The following GPR37 variants were observed in gnomAD, a reference collection of about 807,000 sequenced individuals.
The protein encoded by GPR37 is G protein-coupled receptor 37, also known as prosaposin receptor GPR37.
GPR37 carries 20 observed loss-of-function variants against 43.6 expected under a neutral mutation model. That is an observed-to-expected ratio of 0.46 (90% CI 0.32 to 0.67). The LOEUF (loss-of-function observed/expected upper bound fraction) is 0.67, where lower values mean the gene tolerates loss of function less well. Among genes scored for constraint, GPR37 ranks in the 30% least tolerant of loss-of-function variants. The probability of loss-of-function intolerance (pLI) is 0.03; values close to 1 mark genes in which losing one functional copy is unlikely to be tolerated. For missense variants in GPR37, 724 were observed against 797.2 expected (o/e 0.91, Z 1.11); for synonymous variants, 315 against 322.6 (o/e 0.98, Z 0.25).
rs1793897051 is a variant in GPR37, at chr7:124,764,783, T to A, written c.194A>T (p.Asp65Val). Residue 65 changes from aspartate to valine, a missense_variant, in exon 1 of 2, where the codon GAC becomes GTC. Coordinates refer to ENST00000303921, the MANE Select transcript of GPR37 (RefSeq NM_005302.5). The surrounding 1 kb of genome is among the most constrained non-coding windows in gnomAD (Gnocchi z 5.4). The stretch of plus-strand genomic sequence containing the variant: ...CCTGGGTGCTCGGGCTCGCAGAACG[T>A]CTCTTGCAGAATTTCCCGGTCCCCA... ...DAWGPGNSAR[D>V]VLRARAPREE... 1.9e-6 allele frequency: 3 copies of A among 1,613,200 alleles called. No homozygotes were observed. Among genetic ancestry groups the A allele is most frequent in the Non-Finnish European group, 2.5e-6 (3 of 1,179,934 alleles).
At chr7:124,747,382 C>T (rs1478016450) in intron 1 of GPR37, 39 bp from the exon 2 acceptor site, 2 of 1,343,596 alleles carry the variant, frequency 1.5e-6, no homozygotes, top group Admixed American at 4.1e-5. Context: ...CCCGGTGTCC[C>T]CCGAAAGATC....
At chr7:124,753,974 A>G (rs771079564) in intron 1 of GPR37, among the ~76,000 whole-genome samples, 77 of 152,106 alleles carry the variant, frequency 5.1e-4, no homozygotes, top group Middle Eastern at 3.2e-3. Context: ...TTGGGGAAAG[A>G]TTCAGAGTGA....
chr7:124,752,005 G>C (rs1012247928), intron 1 of GPR37, among the ~76,000 whole-genome samples: 1 of 151,960 alleles, frequency 6.6e-6, no homozygotes, highest in Non-Finnish European at 1.5e-5. Flanking sequence ...ATTTTGAGAG[G>C]ATTGGCATTA....
rs1793890592 is a variant in GPR37, at chr7:124,764,457, G to A, written c.520C>T (p.Pro174Ser). 1.2e-6 allele frequency: 2 copies of A among 1,613,572 alleles called. No individual in the cohort carries two copies. Among genetic ancestry groups the A allele is most frequent in the East Asian group, 2.2e-5 (1 of 44,864 alleles). Reference sequence around the variant, plus strand: ...CAGTAAAAAAGATCGCTGGCTCCGGGGACTGTCTTCACACTCTGCTCCTGG... The same window carrying A: ...CAGTAAAAAAGATCGCTGGCTCCGGAGACTGTCTTCACACTCTGCTCCTGG... ...RSQEQSVKTV[P>S]GASDLFYWPR... is the part of the protein sequence containing the mutation. The change falls in exon 1 of 2, where the codon CCC becomes TCC. Residue 174 changes from proline to serine, a missense_variant. Physicochemically the swap from Pro to Ser is moderately conservative, Grantham distance 74. This residue lies in a region of GPR37 where 382 missense variants were observed against 355.4 expected (regional missense o/e 1.07). Coordinates refer to ENST00000303921, the MANE Select transcript of GPR37 (RefSeq NM_005302.5). The surrounding 1 kb of genome is among the most constrained non-coding windows in gnomAD (Gnocchi z 5.4).
chr7:124,764,914 C>A lies in GPR37; in HGVS notation c.63G>T (p.Lys21Asn). The change falls in exon 1 of 2, where the codon AAG becomes AAT. Residue 21 changes from lysine (K) to asparagine (N), a missense_variant. By Grantham distance (94) the Lys-to-Asn change is moderately conservative. Around this residue, in one of 2 missense-constraint regions of GPR37, gnomAD observed 382 missense variants for 355.4 expected, o/e 1.07. Coordinates refer to ENST00000303921, the MANE Select transcript of GPR37 (RefSeq NM_005302.5). This position sits in a 1 kb window ranked among gnomAD's most constrained non-coding sequence, Gnocchi z 5.4. ...CCCCGAGGGCAGAAGAGGCAGACAC[C>A]TTGAGCAGTAGCAGAAGCAGTAGCC... ...MSRLLLLLLLKVSASSALGVA... is the reference protein window; with the variant it reads ...MSRLLLLLLLNVSASSALGVA... The A allele has an allele frequency of 6.3e-7, 1 of 1,579,382 alleles. No homozygotes were observed. The highest frequency in any genetic ancestry group is 8.6e-7 in the Non-Finnish European group (1 of 1,164,950).
Position 124,764,703 on chromosome 7 carries a change from G to T in GPR37, c.274C>A (p.Pro92Thr). 6.3e-7 allele frequency: 1 copy of T among 1,598,492 alleles called. No homozygotes were observed. ...AGPSWDLPAA[P>T]GRDPAAGRGA... ...CTGCCTGCAGCCGGGTCACGGCCCG[G>T]GGCCGCCGGCAGGTCCCAGGAGGGT... is the stretch of plus-strand genomic sequence containing the variant. The change falls in exon 1 of 2, where the codon CCG becomes ACG. Residue 92 changes from proline to threonine, a missense_variant. By Grantham distance (38) the Pro-to-Thr change is conservative. Coordinates refer to ENST00000303921, the MANE Select transcript of GPR37 (RefSeq NM_005302.5). This position sits in a 1 kb window ranked among gnomAD's most constrained non-coding sequence, Gnocchi z 5.4.
chr7:124,749,405 G>A (rs1032086924), intron 1 of GPR37, among the ~76,000 whole-genome samples: 14 of 152,042 alleles, frequency 9.2e-5, no homozygotes, highest in Admixed American at 2.0e-4. Context: ...CTATTCCCTG[G>A]TAAAGGGGCA....
intron 1 of GPR37, 132 bp from the exon 2 acceptor site, chr7:124,747,475 G>T: frequency 3.2e-6 from 2 of 620,080 alleles, no homozygotes; most frequent in Non-Finnish European, 5.5e-6. Context: ...AGAGAGAACA[G>T]TTTTCCAGAA....
At chr7:124,753,728 C>A (rs2116316659) in intron 1 of GPR37, among the ~76,000 whole-genome samples, 1 of 152,208 alleles carries the variant, frequency 6.6e-6, no homozygotes, top group Admixed American at 6.5e-5. Flanking sequence ...TACGGGTCCT[C>A]ATCTAGTCCC....
At chr7:124,759,658 T>A (rs1036626123) in intron 1 of GPR37, among the ~76,000 whole-genome samples, 6 of 152,194 alleles carry the variant, frequency 3.9e-5, no homozygotes, top group African/African-American at 1.4e-4. Flanking sequence ...TTCGACTTTA[T>A]GAGATTTATT....
At chr7:124,757,906 G>A (rs890285098) in intron 1 of GPR37, among the ~76,000 whole-genome samples, 1 of 152,116 alleles carries the variant, frequency 6.6e-6, no homozygotes, top group African/African-American at 2.4e-5. Flanking sequence ...ACAAATGAAC[G>A]AATGATGACA....
In GPR37 at chr7:124,745,793, T is replaced by C. The variant is rs920029041; in HGVS notation, c.*732A>G. On this transcript the variant is annotated 3_prime_UTR_variant, in exon 2 of 2. Coordinates refer to ENST00000303921, the MANE Select transcript of GPR37 (RefSeq NM_005302.5). Reference sequence around the variant, plus strand: ...CCTACTCTGCTATTTATTCATATTTTATAAGTATTCAGAAGTAATTTGACA... The same window carrying C: ...CCTACTCTGCTATTTATTCATATTTCATAAGTATTCAGAAGTAATTTGACA... 2.0e-5 allele frequency among the ~76,000 whole-genome samples: 3 copies of C among 152,202 alleles called. No individual in the cohort carries two copies. Among genetic ancestry groups the C allele is most frequent in the Non-Finnish European group, 4.4e-5 (3 of 68,018 alleles).
In GPR37 at chr7:124,744,387, TTTTC is replaced by T. The variant is rs1188490037; in HGVS notation, c.*2134_*2137del. The T allele has an allele frequency of 2.0e-5, 3 of 152,148 alleles. No homozygotes were observed. The highest frequency in any genetic ancestry group is 4.8e-5 in the African/African-American group (2 of 41,448). The allele number at this position is 152,148 out of a possible 1,614,324, so 9.4% of individuals were successfully genotyped here. A position where few individuals can be genotyped will look rare whatever the true frequency, so the allele number is the denominator to read the frequency against. ...TATTATTAGATGGCCTTGGTGCATA[TTTTC>T]TTTAATATTTCCCACAAGGCTGCTA... On this transcript the variant is annotated 3_prime_UTR_variant, in exon 2 of 2. Transcript: ENST00000303921.
At chr7:124,751,638 TAAGATG>T (rs1485786280) in intron 1 of GPR37, among the ~76,000 whole-genome samples, 10 of 152,334 alleles carry the variant, frequency 6.6e-5, no homozygotes, top group African/African-American at 2.4e-4. Context: ...TTAAAAATTC[TAAGATG>T]AATAGTGCAA....
At chr7:124,763,388 C>T (rs1214798067) in intron 1 of GPR37, among the ~76,000 whole-genome samples, 1 of 152,136 alleles carries the variant, frequency 6.6e-6, no homozygotes, top group African/African-American at 2.4e-5. Context: ...CAGTCAGACA[C>T]TTAAACTAAT....
intron 1 of GPR37, among the ~76,000 whole-genome samples, chr7:124,754,066 A>C (rs1238604841): frequency 6.6e-6 from 1 of 151,906 alleles, no homozygotes; most frequent in Non-Finnish European, 1.5e-5. Context: ...GGTTTCTCTT[A>C]AAAAAAATAA....
intron 1 of GPR37, among the ~76,000 whole-genome samples, chr7:124,748,118 A>T (rs1379075650): frequency 6.6e-6 from 1 of 152,094 alleles, no homozygotes; most frequent in Non-Finnish European, 1.5e-5. Context: ...AGCTGGGGCC[A>T]ATGTGGGTGG....
At chr7:124,756,758 A>G (rs1230762715) in intron 1 of GPR37, among the ~76,000 whole-genome samples, 1 of 152,186 alleles carries the variant, frequency 6.6e-6, no homozygotes, top group Non-Finnish European at 1.5e-5. Flanking sequence ...CTGCCTTCCC[A>G]TCCCTCTCCC....
intron 1 of GPR37, among the ~76,000 whole-genome samples, chr7:124,748,479 T>G (rs1334785859): frequency 6.6e-6 from 1 of 152,018 alleles, no homozygotes; most frequent in Non-Finnish European, 1.5e-5. Context: ...TCAAGGGACA[T>G]GGGTTCACAA....
Sources: gnomAD v4.1 joint callset for allele counts (sites outside exome capture counted in the v4.1 genomes callset) on GRCh38, gnomAD v4.1.1 for gene constraint, gnomAD v4.1.1 regional missense constraint, Gnocchi (gnomAD v3.1) non-coding constraint, MANE v1.5 for transcripts, NCBI Gene and HGNC (gene_info 2026-07-23, HGNC 2026-07-21) for gene names.